The following KCNMA1 variants were observed in gnomAD, a reference collection of about 807,000 sequenced individuals.
KCNMA1 encodes the protein Calcium-activated potassium channel subunit alpha-1.
KCNMA1 carries 29 observed loss-of-function variants against 140.0 expected under a neutral mutation model. The observed-to-expected ratio is 0.21, with a 90% CI of 0.15 to 0.28. The LOEUF is 0.28. Ranked by LOEUF, KCNMA1 falls within the 10% of genes least tolerant of loss-of-function variation. KCNMA1 has a pLI of 1.00. For synonymous variants in KCNMA1, 612 were observed against 611.9 expected (o/e 1.00, Z 0.00); for missense variants, 880 against 1,602.2 (o/e 0.55, Z 7.70).
At chr10:77,057,548 A>T (rs2095584682) in intron 14 of KCNMA1, among the ~76,000 whole-genome samples, 1 of 152,104 alleles carries the variant, frequency 6.6e-6, no homozygotes, top group Non-Finnish European at 1.5e-5. Flanking sequence ...AAATTATAAC[A>T]TTGTCTGATA....
At chr10:77,074,270 A>G (rs1469115609) in intron 13 of KCNMA1, among the ~76,000 whole-genome samples, 1 of 152,230 alleles carries the variant, frequency 6.6e-6, no homozygotes, top group East Asian at 1.9e-4. Flanking sequence ...CATTACAGAG[A>G]AAGCCAGTGT....
intron 2 of KCNMA1, among the ~76,000 whole-genome samples, chr10:77,319,994 TG>T (rs1341625958): frequency 6.6e-6 from 1 of 152,260 alleles, no homozygotes; most frequent in Admixed American, 6.5e-5. Flanking sequence ...AGAACAATTC[TG>T]CTTTGCTCTG....
intron 6 of KCNMA1, among the ~76,000 whole-genome samples, chr10:77,118,535 C>T (rs2097531154): frequency 6.6e-6 from 1 of 152,222 alleles, no homozygotes; most frequent in Admixed American, 6.5e-5. Context: ...TGCAGAATTA[C>T]CCAAAGTTTC....
intron 1 of KCNMA1, among the ~76,000 whole-genome samples, chr10:77,554,325 G>C (rs1223652714): frequency 6.6e-6 from 1 of 152,056 alleles, no homozygotes; most frequent in Non-Finnish European, 1.5e-5. Flanking sequence ...GGCTGGGTGT[G>C]GTGGCTCACA....
At chr10:76,889,170 T>C (rs1215396423) in intron 27 of KCNMA1, among the ~76,000 whole-genome samples, 1 of 152,246 alleles carries the variant, frequency 6.6e-6, no homozygotes, top group Non-Finnish European at 1.5e-5. Context: ...AGCTAGAGTT[T>C]GGGAGAGATG....
intron 1 of KCNMA1, among the ~76,000 whole-genome samples, chr10:77,582,637 G>A (rs764195894): frequency 7.2e-5 from 11 of 152,260 alleles, no homozygotes; most frequent in East Asian, 1.9e-4. Context: ...CCCTAAATCC[G>A]CTGCTCTAAA....
intron 23 of KCNMA1, among the ~76,000 whole-genome samples, chr10:76,915,356 T>C (rs1354742682): frequency 2.0e-5 from 3 of 152,144 alleles, no homozygotes; most frequent in Non-Finnish European, 4.4e-5. Context: ...TTATCCCCTG[T>C]GCCCCCTTGA....
chr10:76,947,512 GAC>G (rs1163534578), intron 22 of KCNMA1, among the ~76,000 whole-genome samples: 1 of 152,124 alleles, frequency 6.6e-6, no homozygotes, highest in East Asian at 1.9e-4. Flanking sequence ...CCTTTACAAA[GAC>G]ACTTTCAGAG....
At chr10:77,073,488 C>T (rs1398229450) in intron 13 of KCNMA1, among the ~76,000 whole-genome samples, 1 of 152,174 alleles carries the variant, frequency 6.6e-6, no homozygotes, top group Non-Finnish European at 1.5e-5. Context: ...CTGGGTTTGT[C>T]ATTTAGCCAA....
chr10:76,962,964 G>A (rs957488953), intron 20 of KCNMA1, among the ~76,000 whole-genome samples: 1 of 152,118 alleles, frequency 6.6e-6, no homozygotes, highest in African/African-American at 2.4e-5. Flanking sequence ...CATTTACAGG[G>A]ACTGCGTATG....
chr10:77,363,600 C>G (rs2094144495), intron 2 of KCNMA1, among the ~76,000 whole-genome samples: 1 of 152,258 alleles, frequency 6.6e-6, no homozygotes. Context: ...AAAATACTTT[C>G]TCTGGCACAC....
At chr10:77,237,943 C>T (rs1048591886) in intron 3 of KCNMA1, among the ~76,000 whole-genome samples, 1 of 152,188 alleles carries the variant, frequency 6.6e-6, no homozygotes, top group African/African-American at 2.4e-5. Flanking sequence ...CTGTCTGTTG[C>T]GGTTCCCCTC....
At chr10:77,611,508 T>C (rs1034256494) in intron 1 of KCNMA1, among the ~76,000 whole-genome samples, 20 of 152,248 alleles carry the variant, frequency 1.3e-4, no homozygotes, top group Admixed American at 1.3e-3. Context: ...GTCCCTTTAA[T>C]GTTAAGCCCA....
intron 25 of KCNMA1, chr10:76,905,062 C>T (rs1006698784): frequency 2.6e-5 from 4 of 152,010 alleles, no homozygotes; most frequent in South Asian, 2.1e-4. Flanking sequence ...GCAGGAACCC[C>T]GATTTTATAT....
intron 2 of KCNMA1, among the ~76,000 whole-genome samples, chr10:77,332,429 C>A (rs928263735): frequency 6.6e-6 from 1 of 152,182 alleles, no homozygotes; most frequent in African/African-American, 2.4e-5. Flanking sequence ...GCTGCTGCCA[C>A]CTTCTGCCAG....
chr10:77,082,367 C>T (rs1481217792), intron 12 of KCNMA1, among the ~76,000 whole-genome samples: 2 of 152,062 alleles, frequency 1.3e-5, no homozygotes, highest in East Asian at 3.9e-4. Flanking sequence ...CTGCCAGTCA[C>T]CCTAGTACCT....
intron 1 of KCNMA1, among the ~76,000 whole-genome samples, chr10:77,579,335 T>C (rs1476644471): frequency 6.6e-6 from 1 of 152,232 alleles, no homozygotes; most frequent in Non-Finnish European, 1.5e-5. Flanking sequence ...GCCTGAATTT[T>C]ATCCTACAGC....
intron 1 of KCNMA1, among the ~76,000 whole-genome samples, chr10:77,531,400 C>A (rs903270497): frequency 1.3e-5 from 2 of 152,188 alleles, no homozygotes; most frequent in Non-Finnish European, 2.9e-5. Context: ...AGAAGGAGAG[C>A]ACTGTATGAG....
intron 13 of KCNMA1, among the ~76,000 whole-genome samples, chr10:77,074,451 G>T (rs771412211): frequency 6.6e-6 from 1 of 152,184 alleles, no homozygotes; most frequent in Admixed American, 6.5e-5. Context: ...AGGAGGTAGC[G>T]TCTGGAAAAG....
Sources: gnomAD v4.1 joint callset for allele counts (sites outside exome capture counted in the v4.1 genomes callset) on GRCh38, gnomAD v4.1.1 for gene constraint, MANE v1.5 for transcripts, NCBI Gene and HGNC (gene_info 2026-07-23, HGNC 2026-07-21) for gene names.